Variants in COL7A1 observed in about 807,000 individuals in gnomAD.
The protein encoded by COL7A1 is collagen alpha-1(VII) chain.
In COL7A1, 296 loss-of-function variants were observed where a neutral mutation model predicts 456.2. That is an observed-to-expected ratio of 0.65 (90% CI 0.59 to 0.71). COL7A1 has a LOEUF of 0.71. Among genes scored for constraint, COL7A1 ranks in the 30% least tolerant of loss-of-function variants. COL7A1 has a pLI of 0.00. For missense variants in COL7A1, 3,441 were observed against 4,017.2 expected (o/e 0.86, Z 3.88); for synonymous variants, 1,464 against 1,525.9 (o/e 0.96, Z 0.95).
rs1218907546 is a variant in COL7A1 at position 48,574,586 on chromosome 3, C to A, written c.6394-36G>T. On this transcript the variant is annotated intron_variant, in intron 78 of 118. Coordinates refer to ENST00000681320, the MANE Select transcript of COL7A1 (RefSeq NM_000094.4). This position sits in a 1 kb window ranked among gnomAD's most constrained non-coding sequence, Gnocchi z 5.0. ...AGTGTCGTGCCCTGAGCCCCCAGTC[C>A]CTGCCACGTGCCCAGGTGCATATGC... The A allele has an allele frequency of 6.2e-7, 1 of 1,613,886 alleles. No homozygotes were observed. The highest frequency in any genetic ancestry group is 1.1e-5 in the South Asian group (1 of 91,088).
rs2045157811 is a variant in COL7A1, at chr3:48,585,233, T to C, written c.3895-117A>G. 3 of 1,019,406 alleles carry C rather than the reference T, an allele frequency of 2.9e-6. No individual in the cohort carries two copies. The highest frequency in any genetic ancestry group is 2.6e-5 in the East Asian group (1 of 38,806). 63.1% of individuals were successfully genotyped at this position (1,019,406 alleles called of 1,614,324 possible). ...CTACCCCACTGACCCCCAAGTGTTA[T>C]TGGGGGTGGAACAGTGAGGCAGAGA... On this transcript the variant is annotated intron_variant, in intron 32 of 118. Coordinates refer to ENST00000681320, the MANE Select transcript of COL7A1 (RefSeq NM_000094.4). This position sits in a 1 kb window ranked among gnomAD's most constrained non-coding sequence, Gnocchi z 4.5.
In COL7A1 at chr3:48,579,855, G is replaced by A; in HGVS notation, c.5125-41C>T. 6.2e-7 allele frequency: 1 copy of A among 1,614,078 alleles called. No individual in the cohort carries two copies. The highest frequency in any genetic ancestry group is 1.6e-4 in the Middle Eastern group (1 of 6,062). On this transcript the variant is annotated intron_variant, in intron 57 of 118. Coordinates refer to ENST00000681320, the MANE Select transcript of COL7A1 (RefSeq NM_000094.4). The surrounding 1 kb of genome is among the most constrained non-coding windows in gnomAD (Gnocchi z 4.4). ...CCAGTGAGAAGAATGGCTCAACAAG[G>A]GGAAGAGGAGTTGGCGAGGGGATAC...
chr3:48,573,194 G>T lies in COL7A1; in HGVS notation c.6694C>A (p.Pro2232Thr). 1 of 1,614,150 alleles carries T rather than the reference G, an allele frequency of 6.2e-7. No homozygotes were observed. The highest frequency in any genetic ancestry group is 8.5e-7 in the Non-Finnish European group (1 of 1,180,016). Residue 2232 changes from proline (P) to threonine (T), a missense_variant, in exon 85 of 119, where the codon CCC becomes ACC. Around this residue, in one of 3 missense-constraint regions of COL7A1, gnomAD observed 2,084 missense variants for 2,501.3 expected, o/e 0.83. Transcript: ENST00000681320. This position sits in a 1 kb window ranked among gnomAD's most constrained non-coding sequence, Gnocchi z 5.5. ...PTGAVGLPGP[P>T]GPSGLVGPQG... The stretch of plus-strand genomic sequence containing the variant: ...CTCACCACAAGGCCTGAAGGGCCGG[G>T]GGGTCCAGGAAGTCCCACAGCTCCA...
At position 48,587,015 on chromosome 3, in the gene COL7A1, C is replaced by G. The variant is rs748471791; in HGVS notation, c.3233G>C (p.Arg1078Pro). The G allele has an allele frequency of 1.2e-6, 2 of 1,602,984 alleles. No individual in the cohort carries two copies. The highest frequency in any genetic ancestry group is 1.3e-5 in the African/African-American group (1 of 74,858). Residue 1078 changes from arginine (R) to proline (P), a missense_variant, in exon 25 of 119, where the codon CGT becomes CCT. By Grantham distance (103) the Arg-to-Pro change is moderately radical (BLOSUM62 -2). Transcript: ENST00000681320. This position sits in a 1 kb window ranked among gnomAD's most constrained non-coding sequence, Gnocchi z 6.1. Reference protein sequence around the residue: ...RAEATRRVLERLVLALGPLGP... With the variant: ...RAEATRRVLEPLVLALGPLGP... ...AAGAGGCCCAAGTGCCAACACCAGA[C>G]GCTCCAGGACCCTCCTCGTAGCCTC... is the stretch of plus-strand genomic sequence containing the variant.
rs1486869403 is a variant in COL7A1 at position 48,580,628 on chromosome 3, C to T, written c.5005G>A (p.Val1669Met). Residue 1669 changes from valine (V) to methionine (M), a missense_variant, in exon 55 of 119, where the codon GTG becomes ATG. By Grantham distance (21) the Val-to-Met change is conservative. This residue lies in a region of COL7A1 where 2,084 missense variants were observed against 2,501.3 expected (regional missense o/e 0.83). Transcript: ENST00000681320. This position sits in a 1 kb window ranked among gnomAD's most constrained non-coding sequence, Gnocchi z 4.5. ...LRGAPGVRGPVGEKGDQGDPG... is the reference protein window; with the variant it reads ...LRGAPGVRGPMGEKGDQGDPG... ...TCTCCCTGGTCTCCCTTTTCACCCA[C>T]AGGCCCCCGAACTCCAGGTGCCCCC... 1 of 1,613,874 alleles carries T rather than the reference C, an allele frequency of 6.2e-7. No homozygotes were observed. The highest frequency in any genetic ancestry group is 1.3e-5 in the African/African-American group (1 of 74,836).
Position 48,569,358 on chromosome 3 carries a change from C to T in COL7A1, c.7686+17G>A. The T allele has an allele frequency of 6.2e-7, 1 of 1,613,338 alleles. No individual in the cohort carries two copies. Among genetic ancestry groups the T allele is most frequent in the Non-Finnish European group, 8.5e-7 (1 of 1,179,320 alleles). The stretch of plus-strand genomic sequence containing the variant: ...CCACAGGACCCCACAGAGAGTACAC[C>T]ACCCTCTTCCCTGTACCTTGTCACC... On this transcript the variant is annotated intron_variant, in intron 103 of 118. Coordinates refer to ENST00000681320, the MANE Select transcript of COL7A1 (RefSeq NM_000094.4). The surrounding 1 kb of genome is among the most constrained non-coding windows in gnomAD (Gnocchi z 4.9).
intron 37 of COL7A1, 82 bp from the exon 38 acceptor site, chr3:48,584,143 C>T: frequency 6.2e-7 from 1 of 1,609,476 alleles, no homozygotes; most frequent in Non-Finnish European, 8.5e-7. Context: ...TCATGGGGTC[C>T]AATTGGATTT....
In COL7A1 at chr3:48,572,004, T is replaced by C; in HGVS notation, c.7065A>G (p.Glu2355=). The change falls in exon 92 of 119, where the codon GAA becomes GAG. Residue 2355 remains glutamate, a synonymous_variant. Transcript: ENST00000681320. This position sits in a 1 kb window ranked among gnomAD's most constrained non-coding sequence, Gnocchi z 4.6. ...CTTGCCTAGGCCCCGGACTCACATC[T>C]TCCCCAGGGTCTCCGGGCTCCCCTG... The part of the protein sequence containing the change: ...GRAGEPGDPG[E]DGQKGAPGPK... 6.2e-7 allele frequency: 1 copy of C among 1,612,562 alleles called. No homozygotes were observed. The highest frequency in any genetic ancestry group is 8.5e-7 in the Non-Finnish European group (1 of 1,179,428).
chr3:48,588,978 G>A lies in COL7A1; in HGVS notation c.2332C>T (p.Arg778Cys), dbSNP rs1018322313. Residue 778 changes from arginine (R) to cysteine (C), a missense_variant, in exon 19 of 119, where the codon CGT becomes TGT. By Grantham distance (180) the Arg-to-Cys change is radical. This residue lies in a region of COL7A1 where 913 missense variants were observed against 1,088.2 expected (regional missense o/e 0.84). Transcript: ENST00000681320. The surrounding 1 kb of genome is among the most constrained non-coding windows in gnomAD (Gnocchi z 4.6). Reference sequence around the variant, plus strand: ...TTGAGGATCTGCAGCCTCGACACACGACCCACAGGCTCAGGGGCTGGGGAC... The same window carrying A: ...TTGAGGATCTGCAGCCTCGACACACAACCCACAGGCTCAGGGGCTGGGGAC... ...VVRTAPEPVG[R>C]VSRLQILNAS... 9 of 1,613,354 alleles carry A rather than the reference G, an allele frequency of 5.6e-6. No individual in the cohort carries two copies. The highest frequency in any genetic ancestry group is 4.0e-5 in the African/African-American group (3 of 74,930).
At position 48,575,776 on chromosome 3, in the gene COL7A1, C is replaced by A; in HGVS notation, c.5857-28G>T. 1.2e-6 allele frequency: 2 copies of A among 1,614,050 alleles called. No homozygotes were observed. The highest frequency in any genetic ancestry group is 1.7e-6 in the Non-Finnish European group (2 of 1,180,012). ...GAGGGACAGCAAGAGGTCAGAGGAG[C>A]GGGGTGCGTCGCCGCAGCCCCTATG... On this transcript the variant is annotated intron_variant, in intron 72 of 118. Transcript: ENST00000681320. The surrounding 1 kb of genome is among the most constrained non-coding windows in gnomAD (Gnocchi z 6.3).
rs775127972 is a variant in COL7A1 at position 48,575,430 on chromosome 3, G to A, written c.6089C>T (p.Ser2030Phe). Residue 2030 changes from serine to phenylalanine, a missense_variant, in exon 74 of 119, where the codon TCC becomes TTC. Ser to Phe is a radical substitution (Grantham distance 155). This residue lies in a region of COL7A1 where 2,084 missense variants were observed against 2,501.3 expected (regional missense o/e 0.83). Transcript: ENST00000681320. This position sits in a 1 kb window ranked among gnomAD's most constrained non-coding sequence, Gnocchi z 6.3. ...CTTTCCAGGCTCCCCGGCAAGGCCG[G>A]AAGGCCCGGGGGGGCCCCTCTCCCC... ...ALGERGPPGP[S>F]GLAGEPGKPG... is the part of the protein sequence containing the mutation. 1.9e-6 allele frequency: 3 copies of A among 1,609,866 alleles called. No homozygotes were observed. The highest frequency in any genetic ancestry group is 2.5e-6 in the Non-Finnish European group (3 of 1,178,872).
rs747295199 is a variant in COL7A1, at chr3:48,593,327, C to A, written c.520+29G>T. 1.2e-5 allele frequency: 19 copies of A among 1,613,928 alleles called. No homozygotes were observed. The Admixed American group carries it at 3.2e-4, about 27-fold the overall frequency. ...CTCTCTGACTGCCCCCACCCCCCAG[C>A]TGACCTGTCACTCCTGCTCGGTCCT... On this transcript the variant is annotated intron_variant, in intron 5 of 118. Transcript: ENST00000681320. The surrounding 1 kb of genome is among the most constrained non-coding windows in gnomAD (Gnocchi z 4.4).
rs535938941 is a variant in COL7A1, at chr3:48,584,485, C to T, written c.4119G>A (p.Ser1373=). 25 of 1,613,962 alleles carry T rather than the reference C, an allele frequency of 1.5e-5. No homozygotes were observed. The highest frequency in any genetic ancestry group is 6.7e-5 in the African/African-American group (5 of 75,000). ...TTGCCTCCACATACCCTGCACTTAC[C>T]GATGGTCCAGGGTCCCCTTTCCGCC... ...LPGRKGDPGP[S]GPPGPRGPLG... is the part of the protein sequence containing the mutation. Residue 1373 remains serine, a splice_region_variant and synonymous_variant, in exon 36 of 119, where the codon TCG becomes TCA. Transcript: ENST00000681320.
chr3:48,572,718 G>C lies in COL7A1; in HGVS notation c.6853C>G (p.Pro2285Ala). Residue 2285 changes from proline (P) to alanine (A), a missense_variant, in exon 88 of 119, where the codon CCT (proline) becomes GCT (alanine). Transcript: ENST00000681320. This position sits in a 1 kb window ranked among gnomAD's most constrained non-coding sequence, Gnocchi z 4.6. The part of the protein sequence containing the change: ...GVPGSPGLPG[P>A]VGPKGEPGPT... ...CCAGGTTCTCCTTTAGGTCCGACAG[G>C]GCCAGGCAGACCTGGTGACCCCTAT... The C allele has an allele frequency of 6.2e-7, 1 of 1,609,538 alleles. No homozygotes were observed. Among genetic ancestry groups the C allele is most frequent in the East Asian group, 2.2e-5 (1 of 44,674 alleles).
rs151246821 is a variant in COL7A1 at position 48,593,685 on chromosome 3, C to T, written c.278G>A (p.Gly93Asp). Residue 93 changes from glycine (G) to aspartate (D), a missense_variant, in exon 4 of 119, where the codon GGC (glycine) becomes GAC (aspartate). Around this residue, in one of 3 missense-constraint regions of COL7A1, gnomAD observed 913 missense variants for 1,088.2 expected, o/e 0.84. Coordinates refer to ENST00000681320, the MANE Select transcript of COL7A1 (RefSeq NM_000094.4). This position sits in a 1 kb window ranked among gnomAD's most constrained non-coding sequence, Gnocchi z 4.4. ...ACCCCCAGAGCCAAGTGCATCCAGG[C>T]CGAACTCTGTCCTGTTGGAGGGTAG... ...QYSDDPRTEF[G>D]LDALGSGGDV... 130 of 1,614,100 alleles carry T rather than the reference C, an allele frequency of 8.1e-5. No homozygotes were observed. Among genetic ancestry groups the T allele is most frequent in the Admixed American group, 1.7e-4 (10 of 60,012 alleles).
In COL7A1 at chr3:48,566,734, C is replaced by T. The variant is rs776134707; in HGVS notation, c.8230G>A (p.Glu2744Lys). ...GPEGLQGQKG[E>K]RGPPGERVVG... is the part of the protein sequence containing the mutation. ...ACTCTCTCTCCGGGGGGACCTCGCT[C>T]ACCCTGTCAGACACAGGGACCAAGT... The change falls in exon 112 of 119, where the codon GAG becomes AAG. Residue 2744 changes from glutamate (E) to lysine (K), a missense_variant. By Grantham distance (56) the Glu-to-Lys change is moderately conservative (BLOSUM62 1). Around this residue, in one of 3 missense-constraint regions of COL7A1, gnomAD observed 2,084 missense variants for 2,501.3 expected, o/e 0.83. Transcript: ENST00000681320. This position sits in a 1 kb window ranked among gnomAD's most constrained non-coding sequence, Gnocchi z 5.9. 6.2e-7 allele frequency: 1 copy of T among 1,613,770 alleles called. No homozygotes were observed. Among genetic ancestry groups the T allele is most frequent in the Middle Eastern group, 1.7e-4 (1 of 5,874 alleles).
Position 48,590,501 on chromosome 3 carries a change from G to C in COL7A1, c.1864C>G (p.Pro622Ala). 2 of 1,614,124 alleles carry C rather than the reference G, an allele frequency of 1.2e-6. No homozygotes were observed. The highest frequency in any genetic ancestry group is 1.7e-6 in the Non-Finnish European group (2 of 1,180,030). ...CTAATCCGAAATCCACTGGCTCCAGGGACGGGTCCCCAGGCCACCCTCACT... is the reference window on the plus strand; with the variant it reads ...CTAATCCGAAATCCACTGGCTCCAGCGACGGGTCCCCAGGCCACCCTCACT... ...TRVRVAWGPV[P>A]GASGFRISWS... The change falls in exon 15 of 119, where the codon CCT (proline) becomes GCT (alanine). Residue 622 changes from proline to alanine, a missense_variant. This residue lies in a region of COL7A1 where 913 missense variants were observed against 1,088.2 expected (regional missense o/e 0.84). Transcript: ENST00000681320. This position sits in a 1 kb window ranked among gnomAD's most constrained non-coding sequence, Gnocchi z 4.6.
chr3:48,580,204 C>T lies in COL7A1; in HGVS notation c.5097+96G>A. On this transcript the variant is annotated intron_variant, in intron 56 of 118. Coordinates refer to ENST00000681320, the MANE Select transcript of COL7A1 (RefSeq NM_000094.4). The surrounding 1 kb of genome is among the most constrained non-coding windows in gnomAD (Gnocchi z 4.5). ...GGCATGGGTGGCCATCCATGCTTCC[C>T]ACCTGGACCTCCAGACCCCTTGTGT... is the stretch of plus-strand genomic sequence containing the variant. 4 of 1,551,784 alleles carry T rather than the reference C, an allele frequency of 2.6e-6. No homozygotes were observed. Among genetic ancestry groups the T allele is most frequent in the Non-Finnish European group, 3.5e-6 (4 of 1,136,526 alleles).
rs1471877091 is a variant in COL7A1 at position 48,593,177 on chromosome 3, T to C, written c.607A>G (p.Ile203Val). 6.2e-7 allele frequency: 1 copy of C among 1,614,006 alleles called. No homozygotes were observed. Among genetic ancestry groups the C allele is most frequent in the Admixed American group, 1.7e-5 (1 of 60,002 alleles). Residue 203 changes from isoleucine (I) to valine (V), a missense_variant, in exon 6 of 119, where the codon ATC (isoleucine) becomes GTC (valine). Physicochemically the swap from Ile to Val is conservative, Grantham distance 29. Around this residue, in one of 3 missense-constraint regions of COL7A1, gnomAD observed 913 missense variants for 1,088.2 expected, o/e 0.84. Coordinates refer to ENST00000681320, the MANE Select transcript of COL7A1 (RefSeq NM_000094.4). The surrounding 1 kb of genome is among the most constrained non-coding windows in gnomAD (Gnocchi z 4.4). ...ACGAGGGGCAGTAGTGTCCTCAAGATGCTGAAGTCATTGACGAAGAAGAAG... is the reference window on the plus strand; with the variant it reads ...ACGAGGGGCAGTAGTGTCCTCAAGACGCTGAAGTCATTGACGAAGAAGAAG... ...DFFFFVNDFS[I>V]LRTLLPLVSR...
Sources: allele counts gnomAD v4.1 joint callset, GRCh38; gene constraint gnomAD v4.1.1; regional missense constraint gnomAD v4.1.1; non-coding constraint Gnocchi (gnomAD v3.1); transcripts MANE v1.5; gene names NCBI Gene and HGNC (gene_info 2026-07-23, HGNC 2026-07-21).